Variants in CNTN6 observed in about 807,000 individuals in gnomAD.
The protein encoded by CNTN6 is contactin 6.
A neutral mutation model predicts 122.8 loss-of-function variants in CNTN6; 137 were observed. The observed-to-expected ratio is 1.12, with a 90% confidence interval of 0.97 to 1.29. CNTN6 has a LOEUF of 1.29. CNTN6 is among the 50% of genes most tolerant of loss of function. CNTN6 has a pLI of 0.00. For missense variants in CNTN6, 1,634 were observed against 1,223.4 expected (o/e 1.34, Z -5.01); for synonymous variants, 570 against 426.0 (o/e 1.34, Z -4.16).
rs1006869378 is a variant in CNTN6 at position 1,342,581 on chromosome 3, G to A, written c.1365-9743G>A. Among the ~76,000 whole-genome samples the A allele has an allele frequency of 4.0e-4, 61 of 151,608 alleles. 1 individual carries two copies. The highest frequency in any genetic ancestry group is 1.6e-3 in the Admixed American group (24 of 15,206). On this transcript the variant is annotated intron_variant, in intron 11 of 22. Transcript: ENST00000446702. ...GCCCATAAATATTTAATTACACTCT[G>A]CCTAATATAACTCAATACAGCTGCC...
At chr3:1,228,811 G>T (rs914310280) in intron 4 of CNTN6, among the ~76,000 whole-genome samples, 3 of 152,156 alleles carry the variant, frequency 2.0e-5, no homozygotes, top group South Asian at 2.1e-4. Flanking sequence ...TAATTGTTCT[G>T]AAATTTTATT....
Position 1,327,489 on chromosome 3 carries a change from C to A in CNTN6, c.1116C>A (p.Ile372=). Residue 372 remains isoleucine (I), a synonymous_variant, in exon 10 of 23, where the codon ATC becomes ATA. Coordinates refer to ENST00000446702, the MANE Select transcript of CNTN6 (RefSeq NM_001289080.2). ...ERIQIENGTL[I]ITMLNVSDSG... ...TTCAAATAGAAAATGGGACACTCAT[C>A]ATAACGATGCTGAATGTGTCAGATT... 6.2e-7 allele frequency: 1 copy of A among 1,610,722 alleles called. No individual in the cohort carries two copies.
intron 11 of CNTN6, among the ~76,000 whole-genome samples, chr3:1,340,264 A>AT (rs1169727494): frequency 1.3e-5 from 2 of 152,098 alleles, no homozygotes; most frequent in Non-Finnish European, 2.9e-5. Context: ...TAATATACAC[A>AT]TTTTTTTGTT....
chr3:1,396,009 T>C (rs1018555987), intron 20 of CNTN6, among the ~76,000 whole-genome samples: 2 of 152,190 alleles, frequency 1.3e-5, no homozygotes, highest in African/African-American at 4.8e-5. Context: ...TCTCCCTGAC[T>C]GTCAAATCCT....
intron 4 of CNTN6, among the ~76,000 whole-genome samples, chr3:1,259,334 C>G (rs1188652647): frequency 6.6e-6 from 1 of 152,090 alleles, no homozygotes; most frequent in East Asian, 1.9e-4. Context: ...AAGCTTCTAA[C>G]CACTCTGCCA....
At chr3:1,332,637 T>C (rs779849567) in intron 11 of CNTN6, among the ~76,000 whole-genome samples, 6 of 151,868 alleles carry the variant, frequency 4.0e-5, no homozygotes, top group Non-Finnish European at 8.8e-5. Context: ...TGGTGTGATA[T>C]AGTAAAAAGA....
At chr3:1,096,143 G>C (rs2090512508) in intron 1 of CNTN6, among the ~76,000 whole-genome samples, 1 of 152,068 alleles carries the variant, frequency 6.6e-6, no homozygotes, top group Non-Finnish European at 1.5e-5. Flanking sequence ...CATTTTTGGA[G>C]ACCCTTCCTG....
intron 4 of CNTN6, among the ~76,000 whole-genome samples, chr3:1,267,698 A>G (rs1366235807): frequency 6.6e-6 from 1 of 152,218 alleles, no homozygotes; most frequent in African/African-American, 2.4e-5. Context: ...CTCTTTGGGA[A>G]AGATAAAATA....
chr3:1,295,617 G>A lies in CNTN6; in HGVS notation c.471G>A (p.Trp157Ter). The A allele has an allele frequency of 6.2e-7, 1 of 1,613,524 alleles. No individual in the cohort carries two copies. Among genetic ancestry groups the A allele is most frequent in the Non-Finnish European group, 8.5e-7 (1 of 1,179,700 alleles). ...PPHFGDLSYA[W>*]TFNDNPLYVQ... ...GTTTTTCAGATTTATCTTATGCATG[G>A]ACCTTCAATGATAACCCCTTATACG... Residue 157 changes from tryptophan to a stop codon, truncating the protein, a stop_gained, in exon 6 of 23, where the codon TGG becomes TGA. Transcript: ENST00000446702. LOFTEE classifies it high-confidence loss of function.
intron 2 of CNTN6, 115 bp from the exon 3 acceptor site, chr3:1,220,572 A>G (rs1478631257): frequency 1.0e-6 from 1 of 953,198 alleles, no homozygotes; most frequent in Non-Finnish European, 1.4e-6. Context: ...TGAATTTGAG[A>G]TTGTTTTAAA....
At chr3:1,207,039 A>G (rs1010996787) in intron 2 of CNTN6, among the ~76,000 whole-genome samples, 1 of 152,114 alleles carries the variant, frequency 6.6e-6, no homozygotes, top group African/African-American at 2.4e-5. Flanking sequence ...CTTCAAATGC[A>G]TATACCTTCA....
At chr3:1,243,519 T>A (rs2125620466) in intron 4 of CNTN6, among the ~76,000 whole-genome samples, 1 of 152,078 alleles carries the variant, frequency 6.6e-6, no homozygotes, top group African/African-American at 2.4e-5. Flanking sequence ...TAAAATGTAT[T>A]TTGAGAATAA....
chr3:1,209,196 C>T (rs1467831598), intron 2 of CNTN6, among the ~76,000 whole-genome samples: 6 of 152,150 alleles, frequency 3.9e-5, no homozygotes, highest in African/African-American at 1.2e-4. Context: ...TCTGACTGGA[C>T]TGAAATACTT....
Position 1,352,310 on chromosome 3 carries a change from T to A in CNTN6, c.1365-14T>A, listed in dbSNP as rs964708974. 11 of 1,499,872 alleles carry A rather than the reference T, an allele frequency of 7.3e-6. No homozygotes were observed. Among genetic ancestry groups the A allele is most frequent in the South Asian group, 1.3e-5 (1 of 75,034 alleles). 92.9% of individuals were successfully genotyped at this position (1,499,872 alleles called of 1,614,324 possible). The stretch of plus-strand genomic sequence containing the variant: ...AAGAGCCTTACTTCTATTAATGATG[T>A]ATTTTCTTTTTAGAATATTTCTCTT... On this transcript the variant is annotated splice_polypyrimidine_tract_variant and intron_variant, in intron 11 of 22. Transcript: ENST00000446702.
At chr3:1,263,685 T>C (rs553678423) in intron 4 of CNTN6, among the ~76,000 whole-genome samples, 5 of 152,168 alleles carry the variant, frequency 3.3e-5, no homozygotes, top group Admixed American at 6.6e-5. Flanking sequence ...CTTAATTTAT[T>C]AAACATGTTC....
chr3:1,312,256 A>G (rs1699450184), intron 7 of CNTN6, among the ~76,000 whole-genome samples: 1 of 151,886 alleles, frequency 6.6e-6, no homozygotes, highest in Non-Finnish European at 1.5e-5. Flanking sequence ...CATAGAGTGG[A>G]TTGTTACAGT....
At chr3:1,245,235 TACACACACACATATATATATAAC>T (rs1575399562) in intron 4 of CNTN6, among the ~76,000 whole-genome samples, 1 of 6,922 alleles carries the variant, frequency 1.4e-4, no homozygotes, top group East Asian at 2.8e-3. Context: ...TATATATATA[TACACACACACATATATATATAAC>T]ATATATATAT....
chr3:1,178,422 T>C (rs2093492395), intron 2 of CNTN6, among the ~76,000 whole-genome samples: 1 of 152,208 alleles, frequency 6.6e-6, no homozygotes, highest in Admixed American at 6.5e-5. Flanking sequence ...CCTAGATTTC[T>C]ACTTGATTTT....
Position 1,166,500 on chromosome 3 carries a change from T to A in CNTN6, c.55+18437T>A, listed in dbSNP as rs188787785. 1.2e-3 allele frequency among the ~76,000 whole-genome samples: 185 copies of A among 152,176 alleles called. 2 individuals carry two copies. Among genetic ancestry groups the A allele is most frequent in the Middle Eastern group, 6.8e-3 (2 of 294 alleles). On this transcript the variant is annotated intron_variant, in intron 2 of 22. Coordinates refer to ENST00000446702, the MANE Select transcript of CNTN6 (RefSeq NM_001289080.2). ...AGAGATGCTAAGATACAGATTAAAATTTTTTTTAAGAAAATACAAGTTTTT... is the reference window on the plus strand; with the variant it reads ...AGAGATGCTAAGATACAGATTAAAAATTTTTTTAAGAAAATACAAGTTTTT...
Sources: gnomAD v4.1 joint callset for allele counts (sites outside exome capture counted in the v4.1 genomes callset) on GRCh38, gnomAD v4.1.1 for gene constraint, MANE v1.5 for transcripts, NCBI Gene and HGNC (gene_info 2026-07-23, HGNC 2026-07-21) for gene names.